COX6B1: variants seen among roughly 807,000 people sequenced by gnomAD.
COX6B1 encodes the protein COX VIb-1.
COX6B1 carries 2 observed loss-of-function variants against 14.0 expected under a neutral mutation model. That is an observed-to-expected ratio of 0.14 (90% CI 0.06 to 0.45). COX6B1 has a LOEUF of 0.45. Among genes scored for constraint, COX6B1 ranks in the 20% least tolerant of loss-of-function variants. The probability of loss-of-function intolerance (pLI) is 0.98; values close to 1 mark genes in which losing one functional copy is unlikely to be tolerated. For missense variants in COX6B1, 81 were observed against 114.2 expected (o/e 0.71, Z 1.33); for synonymous variants, 30 against 39.7 (o/e 0.76, Z 0.92).
chr19:35,648,992 C>T (rs555984522), intron 1 of COX6B1: 1 of 520,714 alleles, frequency 1.9e-6, no homozygotes, highest in African/African-American at 1.9e-5. Flanking sequence ...TTTTAGTGCT[C>T]CAGACCCCCA....
At chr19:35,654,826 A>ACCTCCCTG (rs1253998785) in intron 3 of COX6B1, among the ~76,000 whole-genome samples, 155 bp downstream of exon 3, 1 of 151,432 alleles carries the variant, frequency 6.6e-6, no homozygotes, top group Non-Finnish European at 1.5e-5. Context: ...GCCTAGAATT[A>ACCTCCCTG]CCTCCCTGTC....
intron 2 of COX6B1, among the ~76,000 whole-genome samples, chr19:35,652,322 C>T (rs12459935): frequency 0.12 from 17,413 of 151,066 alleles, 1,071 homozygotes; most frequent in Admixed American, 0.15. Flanking sequence ...TGAGCCACCG[C>T]GCCTGGCCTC....
At chr19:35,651,814 C>T (rs1029470841) in intron 2 of COX6B1, among the ~76,000 whole-genome samples, 1 of 151,866 alleles carries the variant, frequency 6.6e-6, no homozygotes, top group Non-Finnish European at 1.5e-5. Context: ...CTCTTCCTGC[C>T]TCAGCTTCTC....
Position 35,657,759 on chromosome 19 carries a change from C to T in COX6B1, c.208-835C>T, listed in dbSNP as rs186567691. Among the ~76,000 whole-genome samples, 13 of 150,044 alleles carry T rather than the reference C, an allele frequency of 8.7e-5. No individual in the cohort carries two copies. The Admixed American group carries it at 8.7e-4, about 10-fold the overall frequency. On this transcript the variant is annotated intron_variant, in intron 3 of 3. Coordinates refer to ENST00000649813, the MANE Select transcript of COX6B1 (RefSeq NM_001863.5). ...GCAGCCTCGAACTCCTGGGTTCAAG[C>T]AGTTCTCCCACCTCAGCCTCCCTAG... is the stretch of plus-strand genomic sequence containing the variant.
At chr19:35,650,945 G>C (rs1020304128) in intron 1 of COX6B1, among the ~76,000 whole-genome samples, 1 of 152,154 alleles carries the variant, frequency 6.6e-6, no homozygotes, top group African/African-American at 2.4e-5. Flanking sequence ...TAGGAGTAAA[G>C]TGTGTAGAAC....
chr19:35,650,278 C>T (rs936979032), intron 1 of COX6B1, among the ~76,000 whole-genome samples: 3 of 152,242 alleles, frequency 2.0e-5, no homozygotes, highest in Admixed American at 2.0e-4. Flanking sequence ...GCTAGGATTA[C>T]AGGCGTGAGC....
chr19:35,658,467 T>C, intron 3 of COX6B1, 127 bp from the exon 4 acceptor site: 1 of 770,724 alleles, frequency 1.3e-6, no homozygotes, highest in African/African-American at 1.7e-5. Context: ...GCCTCTAGAA[T>C]AGAGGTTGGC....
At chr19:35,650,031 T>C (rs1967807499) in intron 1 of COX6B1, among the ~76,000 whole-genome samples, 1 of 152,028 alleles carries the variant, frequency 6.6e-6, no homozygotes, top group Non-Finnish European at 1.5e-5. Context: ...GAGACAGTGT[T>C]TTTGCTCTGT....
chr19:35,653,090 G>T (rs6510503), intron 2 of COX6B1, among the ~76,000 whole-genome samples: 1 of 150,232 alleles, frequency 6.7e-6, no homozygotes, highest in Non-Finnish European at 1.5e-5. Flanking sequence ...GCCTCAGCCT[G>T]CCGAGTAGCT....
chr19:35,654,257 T>C (rs1967862884), intron 2 of COX6B1, among the ~76,000 whole-genome samples: 1 of 152,192 alleles, frequency 6.6e-6, no homozygotes, highest in Admixed American at 6.5e-5. Context: ...GTGCAGTGGC[T>C]CACGCCTGTA....
chr19:35,652,788 A>G (rs537121683), intron 2 of COX6B1, among the ~76,000 whole-genome samples: 1 of 150,474 alleles, frequency 6.6e-6, no homozygotes, highest in African/African-American at 2.4e-5. Flanking sequence ...ATTTTATTTT[A>G]TTTTATATAT....
chr19:35,657,692 C>A (rs976802419), intron 3 of COX6B1, among the ~76,000 whole-genome samples: 4 of 132,904 alleles, frequency 3.0e-5, no homozygotes, highest in Non-Finnish European at 6.2e-5. Flanking sequence ...CTTGCTCTGT[C>A]AGGCTGGAGT....
intron 1 of COX6B1, among the ~76,000 whole-genome samples, chr19:35,649,262 G>A (rs1028459130): frequency 1.3e-5 from 2 of 152,172 alleles, no homozygotes; most frequent in African/African-American, 4.8e-5. Context: ...CAGCAACCTC[G>A]GTAGTACTAG....
intron 1 of COX6B1, among the ~76,000 whole-genome samples, chr19:35,650,434 G>T (rs757986209): frequency 6.6e-6 from 1 of 152,130 alleles, no homozygotes; most frequent in African/African-American, 2.4e-5. Context: ...TATTCAGGCC[G>T]GGTTTGGTGT....
At chr19:35,658,527 G>T in intron 3 of COX6B1, 67 bp from the exon 4 acceptor site, 1 of 1,427,924 alleles carries the variant, frequency 7.0e-7, no homozygotes, top group South Asian at 1.2e-5. Context: ...TGGGCAAAGT[G>T]AGGAAGATAA....
intron 3 of COX6B1, among the ~76,000 whole-genome samples, chr19:35,655,432 A>T (rs1967878305): frequency 6.6e-6 from 1 of 152,052 alleles, no homozygotes; most frequent in Non-Finnish European, 1.5e-5. Context: ...TTCTTCATCT[A>T]CCCCTTTTCG....
chr19:35,652,961 G>A (rs1376419782), intron 2 of COX6B1, among the ~76,000 whole-genome samples: 3 of 141,618 alleles, frequency 2.1e-5, no homozygotes, highest in Non-Finnish European at 4.6e-5. Flanking sequence ...ACCACACCCA[G>A]CTAATTTTTT....
Position 35,650,854 on chromosome 19 carries a change from G to A in COX6B1, c.-11-379G>A, listed in dbSNP as rs146424713. Among the ~76,000 whole-genome samples, 359 of 152,204 alleles carry A rather than the reference G, an allele frequency of 2.4e-3. 1 individual carries two copies. The highest frequency in any genetic ancestry group is 8.4e-3 in the African/African-American group (347 of 41,510). ...CCAGTTATTTTTATGCCGTTTAACC[G>A]TAGGAAGTCACTTAGACACCCTGTT... On this transcript the variant is annotated intron_variant, in intron 1 of 3. Coordinates refer to ENST00000649813, the MANE Select transcript of COX6B1 (RefSeq NM_001863.5).
At chr19:35,658,529 G>A in intron 3 of COX6B1, 65 bp from the exon 4 acceptor site, 3 of 1,440,034 alleles carry the variant, frequency 2.1e-6, no homozygotes, top group Non-Finnish European at 2.9e-6. Flanking sequence ...GGCAAAGTGA[G>A]GAAGATAAGA....
Sources: allele counts gnomAD v4.1 joint callset (sites outside exome capture counted in the v4.1 genomes callset), GRCh38; gene constraint gnomAD v4.1.1; transcripts MANE v1.5; gene names NCBI Gene and HGNC (gene_info 2026-07-23, HGNC 2026-07-21).